PDE4B: variants seen among roughly 807,000 people sequenced by gnomAD.
PDE4B encodes the protein phosphodiesterase 4B, also known as 3',5'-cyclic-AMP phosphodiesterase 4B.
Under a neutral mutation model 82.2 loss-of-function variants are expected in PDE4B, and 20 were observed. The observed-to-expected ratio is 0.24, with a 90% CI of 0.17 to 0.35. The LOEUF is 0.35. Among genes scored for constraint, PDE4B ranks in the 10% least tolerant of loss-of-function variants. PDE4B has a pLI of 1.00. For missense variants in PDE4B, 655 were observed against 907.2 expected, an observed-to-expected ratio of 0.72 and a Z score of 3.57; for synonymous variants, 320 against 318.9, an observed-to-expected ratio of 1.00 and a Z score of -0.04.
intron 1 of PDE4B, among the ~76,000 whole-genome samples, chr1:65,844,255 C>T (rs1247089498): frequency 6.6e-6 from 1 of 152,160 alleles, no homozygotes; most frequent in Non-Finnish European, 1.5e-5. Context: ...GGGTGCTGTA[C>T]TGGATAACAA....
At chr1:65,918,989 T>A (rs1177245902) in intron 3 of PDE4B, among the ~76,000 whole-genome samples, 154 bp downstream of exon 3, 2 of 152,220 alleles carry the variant, frequency 1.3e-5, no homozygotes, top group Admixed American at 6.5e-5. Flanking sequence ...AAAGATAAGG[T>A]CTTGTAAACA....
At chr1:66,032,856 G>A (rs557415596) in intron 3 of PDE4B, among the ~76,000 whole-genome samples, 1 of 150,480 alleles carries the variant, frequency 6.6e-6, no homozygotes, top group East Asian at 2.0e-4. Flanking sequence ...GGGTTTCACC[G>A]TGTCAGCCAG....
At chr1:66,352,868 G>A (rs1661946359) in intron 8 of PDE4B, among the ~76,000 whole-genome samples, 1 of 152,150 alleles carries the variant, frequency 6.6e-6, no homozygotes, top group African/African-American at 2.4e-5. Context: ...AGAGACTAAA[G>A]GAGCCAAAAT....
intron 8 of PDE4B, chr1:66,354,657 A>G: frequency 7.2e-7 from 1 of 1,396,726 alleles, no homozygotes; most frequent in Non-Finnish European, 9.3e-7. Flanking sequence ...TCTTGCAAGA[A>G]TGGAGTGCGA....
At chr1:66,235,301 A>T (rs931663569) in intron 3 of PDE4B, among the ~76,000 whole-genome samples, 1 of 152,168 alleles carries the variant, frequency 6.6e-6, no homozygotes. Flanking sequence ...TCCATCAATT[A>T]TTGAGGCTAT....
At chr1:66,049,565 A>G (rs1654903720) in intron 3 of PDE4B, among the ~76,000 whole-genome samples, 1 of 152,068 alleles carries the variant, frequency 6.6e-6, no homozygotes, top group African/African-American at 2.4e-5. Flanking sequence ...ATTTAAAAAC[A>G]TGAAAACTCA....
At chr1:66,266,431 T>G (rs1449151489) in intron 7 of PDE4B, among the ~76,000 whole-genome samples, 1 of 152,170 alleles carries the variant, frequency 6.6e-6, no homozygotes, top group African/African-American at 2.4e-5. Context: ...CCAGGAGAGC[T>G]AACATCGAAG....
chr1:66,226,571 C>A (rs1651470489), intron 3 of PDE4B, among the ~76,000 whole-genome samples: 1 of 152,090 alleles, frequency 6.6e-6, no homozygotes, highest in Non-Finnish European at 1.5e-5. Flanking sequence ...GGATGCTAAG[C>A]AGAGCCAACA....
chr1:66,212,011 C>G (rs541146866), intron 3 of PDE4B, among the ~76,000 whole-genome samples: 1 of 152,320 alleles, frequency 6.6e-6, no homozygotes, highest in South Asian at 2.1e-4. Flanking sequence ...AGTACTCCAG[C>G]ACATTCCTTG....
chr1:66,010,752 C>T (rs1053442319), intron 3 of PDE4B, among the ~76,000 whole-genome samples: 4 of 148,924 alleles, frequency 2.7e-5, no homozygotes, highest in Non-Finnish European at 6.0e-5. Flanking sequence ...TCATCATCCC[C>T]ACGAAGATTA....
At chr1:65,902,428 A>G (rs1646982020) in intron 1 of PDE4B, among the ~76,000 whole-genome samples, 1 of 152,142 alleles carries the variant, frequency 6.6e-6, no homozygotes, top group Admixed American at 6.6e-5. Context: ...TGAATCAACT[A>G]CTTTCCTTCA....
intron 3 of PDE4B, among the ~76,000 whole-genome samples, chr1:65,988,694 T>C (rs1651083223): frequency 6.6e-6 from 1 of 152,148 alleles, no homozygotes; most frequent in African/African-American, 2.4e-5. Flanking sequence ...TTCATTGTCT[T>C]CTCAAATATC....
At position 66,240,747 on chromosome 1, in the gene PDE4B, C is replaced by T. The variant is rs4655832; in HGVS notation, c.282-6713C>T. Among the ~76,000 whole-genome samples, 1,110 of 152,304 alleles carry T rather than the reference C, an allele frequency of 7.3e-3. 45 individuals carry two copies. In the East Asian group the frequency reaches 0.12, roughly 16 times the overall value. On this transcript the variant is annotated intron_variant, in intron 3 of 16. Transcript: ENST00000341517. ...AATATTTGTTGAGTAAATGAATGCT[C>T]ATCACCATTAACATAAAACCACACT...
In PDE4B at chr1:66,367,926, T is replaced by C; in HGVS notation, c.1540-17T>C. On this transcript the variant is annotated splice_polypyrimidine_tract_variant and intron_variant, in intron 14 of 16. Coordinates refer to ENST00000341517, the MANE Select transcript of PDE4B (RefSeq NM_002600.4). Reference sequence around the variant, plus strand: ...AGACTGAATTTATTAAGAGTTTTCATTTTCTTTTTACCCAAGGTGTTAGCA... The same window carrying C: ...AGACTGAATTTATTAAGAGTTTTCACTTTCTTTTTACCCAAGGTGTTAGCA... The C allele has an allele frequency of 6.2e-7, 1 of 1,613,238 alleles. No homozygotes were observed. Among genetic ancestry groups the C allele is most frequent in the South Asian group, 1.1e-5 (1 of 90,974 alleles).
chr1:66,058,755 T>TGGGCCC (rs925097506), intron 3 of PDE4B, among the ~76,000 whole-genome samples: 30 of 152,108 alleles, frequency 2.0e-4, no homozygotes, highest in African/African-American at 6.3e-4. Flanking sequence ...ACAGGGGGCC[T>TGGGCCC]GGGCCCGGGC....
intron 3 of PDE4B, among the ~76,000 whole-genome samples, chr1:66,210,767 G>A (rs984936555): frequency 6.6e-6 from 1 of 151,618 alleles, no homozygotes; most frequent in Admixed American, 6.6e-5. Flanking sequence ...CAGGTCCACA[G>A]CCAAAGTCAT....
intron 3 of PDE4B, among the ~76,000 whole-genome samples, chr1:66,180,760 G>A (rs1647046713): frequency 6.6e-6 from 1 of 152,258 alleles, no homozygotes; most frequent in East Asian, 1.9e-4. Flanking sequence ...GTTAGTGGTA[G>A]TGGTGATCAG....
intron 7 of PDE4B, among the ~76,000 whole-genome samples, chr1:66,317,540 C>A (rs1358411224): frequency 6.6e-6 from 1 of 151,966 alleles, no homozygotes; most frequent in Non-Finnish European, 1.5e-5. Context: ...ATGGTCAGTC[C>A]CACTGAAGGG....
chr1:66,310,034 G>A (rs771649013), intron 7 of PDE4B, among the ~76,000 whole-genome samples: 1 of 152,086 alleles, frequency 6.6e-6, no homozygotes, highest in Non-Finnish European at 1.5e-5. Context: ...CTTACATCCT[G>A]TGGCCTCTGG....
Sources: gnomAD v4.1 joint callset for allele counts (sites outside exome capture counted in the v4.1 genomes callset) on GRCh38, gnomAD v4.1.1 for gene constraint, MANE v1.5 for transcripts, NCBI Gene and HGNC (gene_info 2026-07-23, HGNC 2026-07-21) for gene names.